The following USP11 variants were observed in gnomAD, a reference collection of about 807,000 sequenced individuals.
The protein encoded by USP11 is ubiquitin specific peptidase 11, also known as ubiquitin carboxyl-terminal hydrolase 11.
A neutral mutation model predicts 72.8 loss-of-function variants in USP11; 5 were observed. The observed-to-expected ratio is 0.07, with a 90% CI of 0.04 to 0.14. The LOEUF (loss-of-function observed/expected upper bound fraction) is 0.14, where lower values mean the gene tolerates loss of function less well. Ranked by LOEUF, USP11 falls within the 10% of genes least tolerant of loss-of-function variation. USP11 has a pLI of 1.00. For synonymous variants in USP11, 368 were observed against 326.5 expected, an observed-to-expected ratio of 1.13 and a Z score of -1.37; for missense variants, 480 against 794.7, an observed-to-expected ratio of 0.60 and a Z score of 4.76.
rs776217983 is a variant in USP11 at position 47,248,030 on chromosome X, C to T, written c.*100C>T. 115 of 1,068,501 alleles carry T rather than the reference C, an allele frequency of 1.1e-4. No individual in the cohort carries two copies. Among genetic ancestry groups the T allele is most frequent in the Admixed American group, 2.3e-4 (6 of 26,635 alleles). The allele number at this position is 1,068,501 out of a possible 1,213,427, so 88.1% of individuals were successfully genotyped here. The stretch of plus-strand genomic sequence containing the variant: ...TTCTCTTATTCGTGTTAGGTGCCCC[C>T]GCCAGGCATTGCAGGCTTAGTCGTG... On this transcript the variant is annotated 3_prime_UTR_variant, in exon 21 of 21. Transcript: ENST00000377107.
At chrX:47,236,501 T>C (rs1378167049) in intron 1 of USP11, among the ~76,000 whole-genome samples, 1 of 112,504 alleles carries the variant, frequency 8.9e-6, no homozygotes, top group East Asian at 2.8e-4. Flanking sequence ...TCACAACTGA[T>C]TTAATTTCTG....
chrX:47,233,270 G>T, intron 1 of USP11, 51 bp downstream of exon 1: 1 of 984,632 alleles, frequency 1.0e-6, no homozygotes, highest in Non-Finnish European at 1.3e-6. Flanking sequence ...TGGGGGCATT[G>T]ACAACCGCTG....
chrX:47,233,497 C>T, intron 1 of USP11: 1 of 978,363 alleles, frequency 1.0e-6, no homozygotes, highest in Non-Finnish European at 1.3e-6. Flanking sequence ...TGGGGCCGGG[C>T]CTGCGTAGTG....
intron 1 of USP11, 109 bp downstream of exon 1, chrX:47,233,328 GGCGGGGGAGTGGCCGGCGGGACA>G: frequency 1.2e-5 from 13 of 1,077,874 alleles, no homozygotes; most frequent in Non-Finnish European, 1.6e-5. Flanking sequence ...GGGGTGCGGG[GGCGGGGGAGTGGCCGGCGGGACA>G]GCGGGCTAAA....
At position 47,237,775 on chromosome X, in the gene USP11, GGTGTGTGTGTATGTGTGTGTGT is replaced by G. The variant is rs1305062599; in HGVS notation, c.177-1284_177-1263del. 1.7e-4 allele frequency among the ~76,000 whole-genome samples: 17 copies of G among 99,196 alleles called. No homozygotes were observed. In the East Asian group the frequency reaches 4.4e-3, roughly 26 times the overall value. 86.1% of individuals were successfully genotyped at this position (99,196 alleles called of 115,157 possible). A position where few individuals can be genotyped will look rare whatever the true frequency, so the allele number is the denominator to read the frequency against. On this transcript the variant is annotated intron_variant, in intron 1 of 20. Transcript: ENST00000377107. Reference sequence around the variant, plus strand: ...GTGTCAGAAATGCCACAGCAGAACAGGTGTGTGTGTATGTGTGTGTGTGTGTGTGTGTGTGTGTGTGTGTGTG... The same window carrying G: ...GTGTCAGAAATGCCACAGCAGAACAGGTGTGTGTGTGTGTGTGTGTGTGTG...
intron 1 of USP11, chrX:47,233,791 CGACAGTGGAGGGGAGGTGGTGCCTA>C: frequency 2.3e-5 from 1 of 43,711 alleles, no homozygotes; most frequent in Non-Finnish European, 9.9e-5. Flanking sequence ...GGCCGAGGGA[CGACAGTGGAGGGGAGGTGGTGCCTA>C]TGAGGCAGAA....
In USP11 at chrX:47,240,779, A is replaced by G. The variant is rs773861302; in HGVS notation, c.749A>G (p.Asn250Ser). 1 of 1,210,102 alleles carries G rather than the reference A, an allele frequency of 8.3e-7. No homozygotes were observed. Among genetic ancestry groups the G allele is most frequent in the Admixed American group, 2.2e-5 (1 of 45,799 alleles). ...WPSAQLHVMNNNMSEEDEDFK... is the reference protein window; with the variant it reads ...WPSAQLHVMNSNMSEEDEDFK... ...AGTTTCTCATCTAACCCCAGGAACA[A>G]CAACATGTCGGAAGAGGATGAGGAC... Residue 250 changes from asparagine (N) to serine (S), a missense_variant, in exon 7 of 21, where the codon AAC (asparagine) becomes AGC (serine). Asn to Ser is a conservative substitution (Grantham distance 46, BLOSUM62 1). Coordinates refer to ENST00000377107, the MANE Select transcript of USP11 (RefSeq NM_001371072.1).
chrX:47,234,594 T>C (rs907194631), intron 1 of USP11, among the ~76,000 whole-genome samples: 23 of 111,949 alleles, frequency 2.1e-4, no homozygotes, highest in Non-Finnish European at 7.5e-5. Context: ...TAAATTTATA[T>C]ATGGCGAGGG....
At chrX:47,233,471 G>A in intron 1 of USP11, 4 of 1,021,815 alleles carry the variant, frequency 3.9e-6, no homozygotes, top group Non-Finnish European at 5.0e-6. Context: ...GATGAGACCA[G>A]TTTCGGTCCT....
Position 47,247,975 on chromosome X carries a change from C to T in USP11, c.*45C>T, listed in dbSNP as rs773070888. 4 of 1,118,003 alleles carry T rather than the reference C, an allele frequency of 3.6e-6. No homozygotes were observed. The highest frequency in any genetic ancestry group is 3.5e-5 in the Admixed American group (1 of 28,939). The allele number at this position is 1,118,003 out of a possible 1,213,427, so 92.1% of individuals were successfully genotyped here. ...AGAAAAAAAAAAAAAAAAGCCCTCT[C>T]TGCAATCTCGCTTCTCGTGTCCGCC... On this transcript the variant is annotated 3_prime_UTR_variant, in exon 21 of 21. Coordinates refer to ENST00000377107, the MANE Select transcript of USP11 (RefSeq NM_001371072.1).
chrX:47,239,865 G>A lies in USP11; in HGVS notation c.493G>A (p.Gly165Ser), dbSNP rs1466219251. Residue 165 changes from glycine to serine, a missense_variant, in exon 4 of 21, where the codon GGC becomes AGC. Transcript: ENST00000377107. ...GCTGCTTGTCCGGCACAATGATTTG[G>A]GCAAATCTCACACTGTTCAGTTCAG... ...ELLLVRHNDL[G>S]KSHTVQFSHT... 3 of 1,209,804 alleles carry A rather than the reference G, an allele frequency of 2.5e-6. No homozygotes were observed. The African/African-American group carries it at 5.3e-5, about 21-fold the overall frequency.
chrX:47,242,201 G>A lies in USP11; in HGVS notation c.1299G>A (p.Val433=), dbSNP rs371492517. The change falls in exon 10 of 21, where the codon GTG becomes GTA. Residue 433 remains valine (V), a synonymous_variant. Transcript: ENST00000377107. ...GCCCCGATTGTGGCAATGTATCTGT[G>A]ACCTTCGACCCCTTCTGCTACCTCA... is the stretch of plus-strand genomic sequence containing the variant. ...LVCPDCGNVS[V]TFDPFCYLSV... 8.3e-6 allele frequency: 10 copies of A among 1,211,545 alleles called. No individual in the cohort carries two copies. The African/African-American group carries it at 1.2e-4, about 15-fold the overall frequency.
chrX:47,239,189 C>A lies in USP11; in HGVS notation c.286+10C>A. On this transcript the variant is annotated intron_variant, in intron 2 of 20. Transcript: ENST00000377107. ...GCCACACTCTTTCAAGGTACAAGGC[C>A]TTTGCCTCCTTCTCACCCTAGCCCT... is the stretch of plus-strand genomic sequence containing the variant. 8.3e-7 allele frequency: 1 copy of A among 1,198,355 alleles called. No homozygotes were observed. Among genetic ancestry groups the A allele is most frequent in the South Asian group, 1.8e-5 (1 of 55,241 alleles).
intron 4 of USP11, 33 bp from the exon 5 acceptor site, chrX:47,240,272 A>G: frequency 8.3e-7 from 1 of 1,202,829 alleles, no homozygotes; most frequent in Non-Finnish European, 1.1e-6. Context: ...GGGTCTCACA[A>G]AGATCTTGAA....
chrX:47,235,595 C>T (rs1316902531), intron 1 of USP11, among the ~76,000 whole-genome samples: 1 of 109,840 alleles, frequency 9.1e-6, no homozygotes, highest in Non-Finnish European at 1.9e-5. Flanking sequence ...CCATATCTCT[C>T]CTCTGATTAC....
At chrX:47,234,176 T>C (rs990759197) in intron 1 of USP11, among the ~76,000 whole-genome samples, 3 of 111,063 alleles carry the variant, frequency 2.7e-5, no homozygotes, top group Non-Finnish European at 3.8e-5. Context: ...GCAGCCCAGA[T>C]TGACGGACAT....
Position 47,241,530 on chromosome X carries a change from C to T in USP11, c.1021-11C>T. 8.4e-7 allele frequency: 1 copy of T among 1,193,089 alleles called. No individual in the cohort carries two copies. Among genetic ancestry groups the T allele is most frequent in the Non-Finnish European group, 1.1e-6 (1 of 885,135 alleles). On this transcript the variant is annotated splice_polypyrimidine_tract_variant and intron_variant, in intron 8 of 20. Coordinates refer to ENST00000377107, the MANE Select transcript of USP11 (RefSeq NM_001371072.1). ...TCCCTCTCTCTCTGATGACCCTGCC[C>T]ATCTTCTTAGAACAAGGTTGGCCAT...
rs1469206661 is a variant in USP11 at position 47,245,492 on chromosome X, C to T, written c.2270+10C>T. ...AGAAGGAAAACCCCTGGTGAGGGGCCAGAGCGGGGCCTGTGTGTGGGGGTT... is the reference window on the plus strand; with the variant it reads ...AGAAGGAAAACCCCTGGTGAGGGGCTAGAGCGGGGCCTGTGTGTGGGGGTT... On this transcript the variant is annotated intron_variant, in intron 17 of 20. Transcript: ENST00000377107. 8.8e-7 allele frequency: 1 copy of T among 1,132,864 alleles called. No individual in the cohort carries two copies. Among genetic ancestry groups the T allele is most frequent in the Non-Finnish European group, 1.2e-6 (1 of 825,369 alleles). 93.4% of individuals were successfully genotyped at this position (1,132,864 alleles called of 1,213,427 possible).
At position 47,247,666 on chromosome X, in the gene USP11, C is replaced by T; in HGVS notation, c.2592C>T (p.Asn864=). Reference sequence around the variant, plus strand: ...GCCAGTGGCACTACTTTGATGACAACAGCGTCTCCCCTGTCAATGAGAATC... The same window carrying T: ...GCCAGTGGCACTACTTTGATGACAATAGCGTCTCCCCTGTCAATGAGAATC... ...DSGQWHYFDD[N]SVSPVNENQI... The change falls in exon 20 of 21, where the codon AAC becomes AAT. Residue 864 remains asparagine, a synonymous_variant. Coordinates refer to ENST00000377107, the MANE Select transcript of USP11 (RefSeq NM_001371072.1). 8.3e-7 allele frequency: 1 copy of T among 1,211,312 alleles called. No individual in the cohort carries two copies. Among genetic ancestry groups the T allele is most frequent in the Non-Finnish European group, 1.1e-6 (1 of 895,371 alleles).
Sources: allele counts gnomAD v4.1 joint callset (sites outside exome capture counted in the v4.1 genomes callset), GRCh38; gene constraint gnomAD v4.1.1; transcripts MANE v1.5; gene names NCBI Gene and HGNC (gene_info 2026-07-23, HGNC 2026-07-21).